The following UBE2W variants were observed in gnomAD, a reference collection of about 807,000 sequenced individuals.
UBE2W encodes ubiquitin conjugating enzyme E2 W, also known as ubiquitin-conjugating enzyme E2 W.
Under a neutral mutation model 27.2 loss-of-function variants are expected in UBE2W, and 18 were observed. The observed-to-expected ratio is 0.66, with a 90% confidence interval of 0.46 to 0.98. The LOEUF is 0.98. UBE2W is among the 50% of genes least tolerant of loss of function. The pLI, the probability that UBE2W is intolerant of heterozygous loss-of-function variation, is 0.00. For missense variants in UBE2W, 90 were observed against 180.2 expected (o/e 0.50, Z 2.87); for synonymous variants, 53 against 57.2 (o/e 0.93, Z 0.33).
chr8:73,870,230 C>A (rs1811946467), intron 1 of UBE2W: 1 of 1,570,260 alleles, frequency 6.4e-7, no homozygotes, highest in East Asian at 2.3e-5. Flanking sequence ...GACTAATTCT[C>A]AAGTTTTGAA....
At chr8:73,810,731 A>C in intron 3 of UBE2W, 102 bp from the exon 4 acceptor site, 1 of 946,230 alleles carries the variant, frequency 1.1e-6, no homozygotes, top group Non-Finnish European at 1.4e-6. Flanking sequence ...AAAACAAAAA[A>C]CCACCAAAAT....
chr8:73,869,323 C>T (rs1395712066), intron 1 of UBE2W, among the ~76,000 whole-genome samples: 2 of 152,068 alleles, frequency 1.3e-5, no homozygotes, highest in Non-Finnish European at 2.9e-5. Flanking sequence ...TTTGTGAGGC[C>T]GAGGCGGGCG....
intron 2 of UBE2W, among the ~76,000 whole-genome samples, chr8:73,827,526 T>G (rs1286777316): frequency 6.6e-6 from 1 of 152,000 alleles, no homozygotes; most frequent in Admixed American, 6.6e-5. Flanking sequence ...TGCATGGTAC[T>G]TTCTAATAAT....
At chr8:73,876,793 A>AC (rs1169660268) in intron 1 of UBE2W, among the ~76,000 whole-genome samples, 3 of 152,086 alleles carry the variant, frequency 2.0e-5, no homozygotes, top group Non-Finnish European at 4.4e-5. Flanking sequence ...ACATGAAGAA[A>AC]CCCCGTCTCT....
Position 73,786,676 on chromosome 8 carries a change from G to C in UBE2W, c.*7426C>G. ...TGCATTGCTACTGCTTATGAAACAA[G>C]GTTTGTGGACAGCTGAAGAGCAGCC... On this transcript the variant is annotated 3_prime_UTR_variant, in exon 6 of 6. Coordinates refer to ENST00000602593, the MANE Select transcript of UBE2W (RefSeq NM_018299.6). The C allele has an allele frequency of 1.0e-6, 1 of 985,438 alleles. No individual in the cohort carries two copies. The highest frequency in any genetic ancestry group is 1.2e-6 in the Non-Finnish European group (1 of 829,950). 61.0% of individuals were successfully genotyped at this position (985,438 alleles called of 1,614,324 possible).
At chr8:73,870,326 T>C (rs769139238) in intron 1 of UBE2W, 5 of 1,567,926 alleles carry the variant, frequency 3.2e-6, no homozygotes, top group African/African-American at 1.4e-5. Flanking sequence ...AAAGACCTCA[T>C]GTAACACATG....
Position 73,786,827 on chromosome 8 carries a change from G to A in UBE2W, c.*7275C>T. ...TGAAAAATGCAAGGAGAGGACTACTGAGTATCATTGCTTGATTAAGTTGGA... is the reference window on the plus strand; with the variant it reads ...TGAAAAATGCAAGGAGAGGACTACTAAGTATCATTGCTTGATTAAGTTGGA... On this transcript the variant is annotated 3_prime_UTR_variant, in exon 6 of 6. Coordinates refer to ENST00000602593, the MANE Select transcript of UBE2W (RefSeq NM_018299.6). The A allele has an allele frequency of 1.0e-6, 1 of 985,362 alleles. No homozygotes were observed. The highest frequency in any genetic ancestry group is 1.2e-6 in the Non-Finnish European group (1 of 829,880). 61.0% of individuals were successfully genotyped at this position (985,362 alleles called of 1,614,324 possible).
chr8:73,846,050 C>A (rs1382156714), intron 1 of UBE2W, among the ~76,000 whole-genome samples: 2 of 152,134 alleles, frequency 1.3e-5, no homozygotes, highest in Admixed American at 6.6e-5. Flanking sequence ...AAAGTGTGTA[C>A]ATCTAAACAA....
Position 73,803,226 on chromosome 8 carries a change from T to TA in UBE2W, c.442+2424dup, listed in dbSNP as rs566891759. On this transcript the variant is annotated intron_variant, in intron 5 of 5. Transcript: ENST00000602593. ...GCGAGACTTCATCTCAAAAAATAAATAAAAAATAAATAAATACAAATACTG... is the reference window on the plus strand; with the variant it reads ...GCGAGACTTCATCTCAAAAAATAAATAAAAAAATAAATAAATACAAATACTG... Among the ~76,000 whole-genome samples the TA allele has an allele frequency of 3.8e-3, 574 of 151,860 alleles. 3 individuals carry two copies. Among genetic ancestry groups the TA allele is most frequent in the African/African-American group, 0.012 (496 of 41,440 alleles).
intron 3 of UBE2W, among the ~76,000 whole-genome samples, chr8:73,814,201 T>C (rs192912144): frequency 6.6e-6 from 1 of 152,318 alleles, no homozygotes; most frequent in African/African-American, 2.4e-5. Flanking sequence ...GTCAAGTAGT[T>C]TCTACAAACA....
chr8:73,791,463 T>A lies in UBE2W; in HGVS notation c.*2639A>T, dbSNP rs6983690. The stretch of plus-strand genomic sequence containing the variant: ...TAATTCTGTAGGCCTATGTCGCAAA[T>A]AGTGCCCCACGAGGAAATGCAGGGA... On this transcript the variant is annotated 3_prime_UTR_variant, in exon 6 of 6. Coordinates refer to ENST00000602593, the MANE Select transcript of UBE2W (RefSeq NM_018299.6). 169 of 985,228 alleles carry A rather than the reference T, an allele frequency of 1.7e-4. No individual in the cohort carries two copies. In the African/African-American group the frequency reaches 2.7e-3, roughly 16 times the overall value. The allele number at this position is 985,228 out of a possible 1,614,324, so 61.0% of individuals were successfully genotyped here. A position where few individuals can be genotyped will look rare whatever the true frequency, so the allele number is the denominator to read the frequency against.
chr8:73,812,291 AC>A (rs1039136436), intron 3 of UBE2W, among the ~76,000 whole-genome samples: 8 of 151,842 alleles, frequency 5.3e-5, no homozygotes, highest in Admixed American at 4.6e-4. Flanking sequence ...CACTTATCCT[AC>A]CTAATTGCAG....
Position 73,790,530 on chromosome 8 carries a change from C to A in UBE2W, c.*3572G>T. 5.1e-6 allele frequency: 5 copies of A among 984,094 alleles called. No homozygotes were observed. The highest frequency in any genetic ancestry group is 6.0e-6 in the Non-Finnish European group (5 of 828,814). The allele number at this position is 984,094 out of a possible 1,614,324, so 61.0% of individuals were successfully genotyped here. A position where few individuals can be genotyped will look rare whatever the true frequency, so the allele number is the denominator to read the frequency against. On this transcript the variant is annotated 3_prime_UTR_variant, in exon 6 of 6. Coordinates refer to ENST00000602593, the MANE Select transcript of UBE2W (RefSeq NM_018299.6). ...ATTACAAATAATTGTAAATTTTAAG[C>A]ATTCAGCTAAGATATGTACAAAAAA...
At chr8:73,844,490 C>T (rs1343422470) in intron 1 of UBE2W, among the ~76,000 whole-genome samples, 2 of 152,220 alleles carry the variant, frequency 1.3e-5, no homozygotes, top group African/African-American at 4.8e-5. Flanking sequence ...ATGATCTCGG[C>T]TCACTACAAC....
intron 5 of UBE2W, among the ~76,000 whole-genome samples, chr8:73,799,435 A>AC (rs1808550254): frequency 6.6e-6 from 1 of 152,176 alleles, no homozygotes; most frequent in African/African-American, 2.4e-5. Context: ...GTCTTCTTCC[A>AC]AGAACTTTAA....
chr8:73,813,936 T>C (rs577124774), intron 3 of UBE2W, among the ~76,000 whole-genome samples: 366 of 152,250 alleles, frequency 2.4e-3, no homozygotes, highest in Non-Finnish European at 3.0e-3. Flanking sequence ...TTTTACCACG[T>C]TGGCCAAGCT....
In UBE2W at chr8:73,820,397, T is replaced by G. The variant is rs140380479; in HGVS notation, c.210+4750A>C. On this transcript the variant is annotated intron_variant, in intron 3 of 5. Coordinates refer to ENST00000602593, the MANE Select transcript of UBE2W (RefSeq NM_018299.6). ...TTCTGCCATTTTCCCAATCAATGGA[T>G]ATTAGAATATACAACCTCTATGCCA... Among the ~76,000 whole-genome samples, 379 of 152,250 alleles carry G rather than the reference T, an allele frequency of 2.5e-3. 1 individual carries two copies. The highest frequency in any genetic ancestry group is 8.9e-3 in the African/African-American group (368 of 41,542).
intron 1 of UBE2W, among the ~76,000 whole-genome samples, chr8:73,877,167 A>G (rs1251917065): frequency 6.6e-6 from 1 of 152,198 alleles, no homozygotes; most frequent in African/African-American, 2.4e-5. Context: ...ATAATCTTAA[A>G]CTTGTCATAA....
downstream of UBE2W, among the ~76,000 whole-genome samples, chr8:73,781,929 CTTTTTTT>C (rs71269945): frequency 3.3e-4 from 32 of 96,010 alleles, no homozygotes; most frequent in African/African-American, 9.5e-4. Context: ...TAAAAGCCTC[CTTTTTTT>C]TTTTTTTTTT....
Sources: allele counts gnomAD v4.1 joint callset (sites outside exome capture counted in the v4.1 genomes callset), GRCh38; gene constraint gnomAD v4.1.1; transcripts MANE v1.5; gene names NCBI Gene and HGNC (gene_info 2026-07-23, HGNC 2026-07-21).